The following DPH6 variants were observed in gnomAD, a reference collection of about 807,000 sequenced individuals.
DPH6 encodes diphthine--ammonia ligase.
In DPH6, 33 loss-of-function variants were observed where a neutral mutation model predicts 38.2. The ratio of observed to expected loss-of-function variants is 0.86; its 90% CI spans 0.65 to 1.15. The LOEUF is 1.15. DPH6 is among the 50% of genes most tolerant of loss of function. DPH6 has a pLI of 0.00. For synonymous variants in DPH6, 108 were observed against 103.0 expected (o/e 1.05, Z -0.30); for missense variants, 325 against 320.0 (o/e 1.02, Z -0.12).
chr15:35,409,430 T>C lies in DPH6; in HGVS notation c.567+1405A>G, dbSNP rs1007952857. On this transcript the variant is annotated intron_variant, in intron 6 of 8. Coordinates refer to ENST00000256538, the MANE Select transcript of DPH6 (RefSeq NM_080650.4). ...ATCATTGAATAAAATGATTTCTGCA[T>C]TTTGTGTTTAAACATCCTATGATAA... is the stretch of plus-strand genomic sequence containing the variant. Among the ~76,000 whole-genome samples, 9 of 152,002 alleles carry C rather than the reference T, an allele frequency of 5.9e-5. No individual in the cohort carries two copies. In the South Asian group the frequency reaches 8.3e-4, roughly 14 times the overall value.
At position 35,397,869 on chromosome 15, in the gene DPH6, A is replaced by ATACACACACGCG. The variant is rs1555398531; in HGVS notation, c.567+12965_567+12966insCGCGTGTGTGTA. 2.0e-3 allele frequency among the ~76,000 whole-genome samples: 215 copies of ATACACACACGCG among 108,522 alleles called. 3 individuals carry two copies. The highest frequency in any genetic ancestry group is 0.015 in the Middle Eastern group (3 of 206). 71.2% of individuals were successfully genotyped at this position (108,522 alleles called of 152,430 possible). On this transcript the variant is annotated intron_variant, in intron 6 of 8. Coordinates refer to ENST00000256538, the MANE Select transcript of DPH6 (RefSeq NM_080650.4). ...ATAGATGGAATCAATTTATATATAT[A>ATACACACACGCG]CACACACACACACACACACACACAC...
the DPH6 span, among the ~76,000 whole-genome samples, chr15:35,157,843 G>A: frequency 6.6e-6 from 1 of 151,730 alleles, no homozygotes; most frequent in South Asian, 2.1e-4. Context: ...TAAGAGCCTA[G>A]AGAAAGAAAG....
chr15:35,544,375 A>T (rs1376829046), intron 1 of DPH6, among the ~76,000 whole-genome samples: 1 of 152,104 alleles, frequency 6.6e-6, no homozygotes, highest in Non-Finnish European at 1.5e-5. Context: ...TAGGGGAGGG[A>T]TAACATTAGG....
Position 35,371,911 on chromosome 15 carries a change from A to G in DPH6, c.*239T>C. 1 of 1,208,714 alleles carries G rather than the reference A, an allele frequency of 8.3e-7. No individual in the cohort carries two copies. 74.9% of individuals were successfully genotyped at this position (1,208,714 alleles called of 1,614,324 possible). A position where few individuals can be genotyped will look rare whatever the true frequency, so the allele number is the denominator to read the frequency against. On this transcript the variant is annotated 3_prime_UTR_variant, in exon 9 of 9. Transcript: ENST00000256538. ...TAAAAGAAAAAAAAGGTCATAGGGA[A>G]GATGTGTTAACGAAAGAGAAAGAGT... is the stretch of plus-strand genomic sequence containing the variant.
At chr15:35,504,949 C>T (rs1285546002) in intron 3 of DPH6, among the ~76,000 whole-genome samples, 5 of 152,072 alleles carry the variant, frequency 3.3e-5, no homozygotes, top group Non-Finnish European at 7.4e-5. Flanking sequence ...AAGACTTAAG[C>T]ATGAATAGCC....
At chr15:35,455,324 G>A (rs1016902632) in intron 3 of DPH6, among the ~76,000 whole-genome samples, 8 of 152,166 alleles carry the variant, frequency 5.3e-5, no homozygotes, top group Non-Finnish European at 7.4e-5. Flanking sequence ...CTGGATAACA[G>A]TATAGCACTG....
chr15:35,365,551 A>G lies in DPH6; in HGVS notation n.207+7970T>C, dbSNP rs370734514. 1.1e-3 allele frequency among the ~76,000 whole-genome samples: 166 copies of G among 152,284 alleles called. 2 individuals carry two copies. The South Asian group carries it at 0.034, about 31-fold the overall frequency. Reference sequence around the variant, plus strand: ...AAAAAGCTGAATTGGTTAGCATAACAACTAGGTAAATATAAAAGCTAAAAA... The same window carrying G: ...AAAAAGCTGAATTGGTTAGCATAACGACTAGGTAAATATAAAAGCTAAAAA... On this transcript the variant is annotated intron_variant and non_coding_transcript_variant, in intron 3 of 3. Coordinates refer to the DPH6 transcript ENST00000558973.
At chr15:35,410,411 T>A (rs2053350415) in intron 6 of DPH6, among the ~76,000 whole-genome samples, 1 of 151,652 alleles carries the variant, frequency 6.6e-6, no homozygotes, top group African/African-American at 2.4e-5. Context: ...TGGGATAACT[T>A]TTTTTACTAT....
chr15:35,167,354 T>C, the DPH6 span, among the ~76,000 whole-genome samples: 1 of 151,948 alleles, frequency 6.6e-6, no homozygotes, highest in Non-Finnish European at 1.5e-5. Context: ...CTAGCTAGCA[T>C]TTCCACTTTA....
intron 6 of DPH6, among the ~76,000 whole-genome samples, chr15:35,394,953 A>G (rs2053112154): frequency 6.6e-6 from 1 of 152,156 alleles, no homozygotes; most frequent in South Asian, 2.1e-4. Flanking sequence ...TAATATCCTG[A>G]TAGATAACAA....
intron 3 of DPH6, among the ~76,000 whole-genome samples, chr15:35,280,261 C>T (rs949418006): frequency 1.3e-5 from 2 of 152,160 alleles, no homozygotes; most frequent in Non-Finnish European, 2.9e-5. Flanking sequence ...CTTTGATGTT[C>T]TGAAAGATAG....
chr15:35,544,847 T>G (rs2055320534), intron 1 of DPH6, among the ~76,000 whole-genome samples: 1 of 152,242 alleles, frequency 6.6e-6, no homozygotes, highest in South Asian at 2.1e-4. Flanking sequence ...TGCTTTACTT[T>G]AATCGTTAAA....
At chr15:35,274,993 C>T (rs1409566256) in intron 3 of DPH6, among the ~76,000 whole-genome samples, 8 of 152,034 alleles carry the variant, frequency 5.3e-5, no homozygotes, top group Non-Finnish European at 1.5e-5. Flanking sequence ...CGGCTCACTG[C>T]AAGCTCTGCC....
At position 35,318,660 on chromosome 15, in the gene DPH6, C is replaced by T. The variant is rs374727052; in HGVS notation, n.200+54861G>A. ...GCTAGAAATCAAGAACTAAAAACAACAAATATCTTTGCTTCATAGCCTAAA... is the reference window on the plus strand; with the variant it reads ...GCTAGAAATCAAGAACTAAAAACAATAAATATCTTTGCTTCATAGCCTAAA... On this transcript the variant is annotated intron_variant and non_coding_transcript_variant, in intron 3 of 3. Coordinates refer to the DPH6 transcript ENST00000560386. Among the ~76,000 whole-genome samples the T allele has an allele frequency of 1.2e-4, 19 of 152,172 alleles. 1 individual carries two copies. Among genetic ancestry groups the T allele is most frequent in the Admixed American group, 7.2e-4 (11 of 15,278 alleles).
In DPH6 at chr15:35,371,516, T is replaced by A. The variant is rs2052713289; in HGVS notation, c.*634A>T. 2.2e-6 allele frequency: 2 copies of A among 926,004 alleles called. No individual in the cohort carries two copies. Among genetic ancestry groups the A allele is most frequent in the African/African-American group, 3.6e-5 (2 of 55,894 alleles). 57.4% of individuals were successfully genotyped at this position (926,004 alleles called of 1,614,324 possible). A position where few individuals can be genotyped will look rare whatever the true frequency, so the allele number is the denominator to read the frequency against. ...CATTTTTGCTGTGAACCTAAAACTGTTCTAAAACATAAAGTCTATTTTTTG... is the reference window on the plus strand; with the variant it reads ...CATTTTTGCTGTGAACCTAAAACTGATCTAAAACATAAAGTCTATTTTTTG... On this transcript the variant is annotated 3_prime_UTR_variant, in exon 9 of 9. Coordinates refer to ENST00000256538, the MANE Select transcript of DPH6 (RefSeq NM_080650.4).
At chr15:35,424,441 G>T (rs2053543733) in intron 5 of DPH6, among the ~76,000 whole-genome samples, 1 of 138,860 alleles carries the variant, frequency 7.2e-6, no homozygotes. Flanking sequence ...TTATGTATTA[G>T]TTCTAACAGG....
rs999847662 is a variant in DPH6 at position 35,382,460 on chromosome 15, C to A, written c.568-544G>T. 1.4e-4 allele frequency among the ~76,000 whole-genome samples: 21 copies of A among 152,062 alleles called. 1 individual carries two copies. The South Asian group carries it at 4.4e-3, about 32-fold the overall frequency. ...AAAAACGAAAAACAAAACACACACA[C>A]ACACACACACACAAAATTAAGATTA... On this transcript the variant is annotated intron_variant, in intron 6 of 8. Transcript: ENST00000256538.
chr15:35,308,398 ATTT>A (rs2052111390), intron 3 of DPH6, among the ~76,000 whole-genome samples: 1 of 152,194 alleles, frequency 6.6e-6, no homozygotes, highest in South Asian at 2.1e-4. Flanking sequence ...AATGTATACA[ATTT>A]TTATTTCCAA....
At chr15:35,279,191 T>C (rs981700130) in intron 3 of DPH6, among the ~76,000 whole-genome samples, 1 of 151,878 alleles carries the variant, frequency 6.6e-6, no homozygotes, top group African/African-American at 2.4e-5. Context: ...AATGGGAATG[T>C]CTACCCAATA....
Sources: gnomAD v4.1 joint callset for allele counts (sites outside exome capture counted in the v4.1 genomes callset) on GRCh38, gnomAD v4.1.1 for gene constraint, MANE v1.5 for transcripts, NCBI Gene and HGNC (gene_info 2026-07-23, HGNC 2026-07-21) for gene names.